The following COL24A1 variants were observed in gnomAD, a reference collection of about 807,000 sequenced individuals.
COL24A1 encodes collagen type XXIV alpha 1 chain, also known as collagen alpha-1(XXIV) chain.
A neutral mutation model predicts 253.9 loss-of-function variants in COL24A1; 224 were observed. That is an observed-to-expected ratio of 0.88 (90% CI 0.79 to 0.99). The LOEUF is 0.99. COL24A1 is among the 50% of genes least tolerant of loss of function. The pLI is 0.00. For missense variants in COL24A1, 2,131 were observed against 2,068.5 expected (o/e 1.03, Z -0.59); for synonymous variants, 685 against 673.7 (o/e 1.02, Z -0.26).
At chr1:86,138,541 A>AGG (rs901439957) in intron 2 of COL24A1, among the ~76,000 whole-genome samples, 1 of 152,052 alleles carries the variant, frequency 6.6e-6, no homozygotes. Flanking sequence ...TGGTTTTTTA[A>AGG]GGGGGAGTTT....
At chr1:85,772,761 G>C (rs1270138057) in intron 53 of COL24A1, among the ~76,000 whole-genome samples, 1 of 152,030 alleles carries the variant, frequency 6.6e-6, no homozygotes, top group Non-Finnish European at 1.5e-5. Flanking sequence ...TGTAGATTCT[G>C]GATATTAGCC....
chr1:86,120,173 T>C (rs1298885184), intron 3 of COL24A1, among the ~76,000 whole-genome samples: 1 of 152,188 alleles, frequency 6.6e-6, no homozygotes, highest in Non-Finnish European at 1.5e-5. Flanking sequence ...ATGTTAGACC[T>C]AAAACCATAA....
chr1:85,889,501 G>T (rs564671002), intron 32 of COL24A1, 59 bp downstream of exon 32: 111 of 1,421,218 alleles, frequency 7.8e-5, no homozygotes, highest in Middle Eastern at 1.8e-4. Context: ...AGCAATAATG[G>T]AAATGTAAAT....
intron 24 of COL24A1, among the ~76,000 whole-genome samples, chr1:85,952,539 A>G (rs1465824115): frequency 2.0e-5 from 3 of 152,232 alleles, no homozygotes; most frequent in Non-Finnish European, 4.4e-5. Context: ...ATAAAAGACA[A>G]ATTAGGCAGA....
chr1:86,132,209 GTTGT>G (rs914064555), intron 2 of COL24A1, among the ~76,000 whole-genome samples: 25 of 152,100 alleles, frequency 1.6e-4, no homozygotes, highest in African/African-American at 6.0e-4. Flanking sequence ...TTTTGATGGG[GTTGT>G]TTGTTTTTTT....
intron 5 of COL24A1, among the ~76,000 whole-genome samples, chr1:86,106,840 TTCTC>T (rs1341282877): frequency 6.6e-6 from 1 of 152,192 alleles, no homozygotes; most frequent in Non-Finnish European, 1.5e-5. Context: ...CCCATAGTCT[TTCTC>T]TATTTTAAAT....
In COL24A1 at chr1:85,761,384, A is replaced by T. The variant is rs1414543907; in HGVS notation, c.4437+12T>A. On this transcript the variant is annotated intron_variant, in intron 55 of 59. Transcript: ENST00000370571. ...AGATAAAACAAAACAAAATCAAACC[A>T]AGCAAACTTACTCTTGGGCCTGGTG... 2.5e-6 allele frequency: 4 copies of T among 1,613,870 alleles called. No individual in the cohort carries two copies. The highest frequency in any genetic ancestry group is 3.4e-6 in the Non-Finnish European group (4 of 1,179,874).
intron 24 of COL24A1, among the ~76,000 whole-genome samples, chr1:85,916,550 G>T (rs573501749): frequency 8.6e-5 from 13 of 152,042 alleles, no homozygotes; most frequent in Non-Finnish European, 1.6e-4. Context: ...GCTGGGTGTG[G>T]CAACATGTTC....
intron 14 of COL24A1, 61 bp downstream of exon 14, chr1:86,031,817 A>T (rs1250656793): frequency 9.6e-6 from 13 of 1,355,862 alleles, no homozygotes; most frequent in African/African-American, 1.5e-5. Context: ...AACACATCTA[A>T]CACATATAAA....
intron 12 of COL24A1, chr1:86,045,992 G>C (rs1481875477): frequency 1.0e-5 from 3 of 287,766 alleles, no homozygotes; most frequent in Non-Finnish European, 2.1e-5. Flanking sequence ...TTAACTATCT[G>C]ATCTGAGCAA....
At chr1:86,148,251 C>T (rs768996575) in intron 1 of COL24A1, among the ~76,000 whole-genome samples, 2 of 152,104 alleles carry the variant, frequency 1.3e-5, no homozygotes, top group African/African-American at 2.4e-5. Context: ...GTGGAGCGAT[C>T]TCAGCTCACT....
At chr1:86,036,650 T>C (rs565658045) in intron 12 of COL24A1, among the ~76,000 whole-genome samples, 1 of 152,304 alleles carries the variant, frequency 6.6e-6, no homozygotes, top group East Asian at 1.9e-4. Flanking sequence ...CTTTTAATCA[T>C]GAACTTAATG....
Position 85,896,418 on chromosome 1 carries a change from G to GA in COL24A1, c.2779-10dup. 6 of 1,605,972 alleles carry GA rather than the reference G, an allele frequency of 3.7e-6. No individual in the cohort carries two copies. Among genetic ancestry groups the GA allele is most frequent in the Non-Finnish European group, 5.1e-6 (6 of 1,173,730 alleles). ...TCTGGTCCTCTTGATCCCTAGAGGT[G>GA]AAAAAAATATCCTGTTGTTAATTTG... On this transcript the variant is annotated splice_polypyrimidine_tract_variant and intron_variant, in intron 28 of 59. Coordinates refer to ENST00000370571, the MANE Select transcript of COL24A1 (RefSeq NM_152890.7).
Position 86,092,257 on chromosome 1 carries a change from A to T in COL24A1, c.1653+10T>A, listed in dbSNP as rs772407730. ...ATTACCATAATTTCATTTCATGGTC[A>T]AATAATTACCTTTTCTCCAGGAACA... On this transcript the variant is annotated intron_variant, in intron 6 of 59. Coordinates refer to ENST00000370571, the MANE Select transcript of COL24A1 (RefSeq NM_152890.7). 1 of 1,581,574 alleles carries T rather than the reference A, an allele frequency of 6.3e-7. No individual in the cohort carries two copies. Among genetic ancestry groups the T allele is most frequent in the Non-Finnish European group, 8.6e-7 (1 of 1,156,942 alleles).
intron 18 of COL24A1, among the ~76,000 whole-genome samples, chr1:86,019,684 G>A (rs1697320250): frequency 6.6e-6 from 1 of 151,846 alleles, no homozygotes; most frequent in African/African-American, 2.4e-5. Flanking sequence ...GCCCAAAGTA[G>A]TTTTCAAAAG....
At chr1:86,026,366 T>C (rs536647754) in intron 14 of COL24A1, among the ~76,000 whole-genome samples, 3 of 152,316 alleles carry the variant, frequency 2.0e-5, no homozygotes, top group South Asian at 2.1e-4. Context: ...GTAGTCTCCA[T>C]AATCCCCACA....
At chr1:85,790,289 A>G (rs551960610) in intron 47 of COL24A1, among the ~76,000 whole-genome samples, 7 of 152,166 alleles carry the variant, frequency 4.6e-5, no homozygotes, top group African/African-American at 1.7e-4. Context: ...GGGAGGGTGT[A>G]TATGTCAATG....
chr1:86,105,875 G>A (rs1470555902), intron 5 of COL24A1, among the ~76,000 whole-genome samples: 1 of 152,156 alleles, frequency 6.6e-6, no homozygotes, highest in Non-Finnish European at 1.5e-5. Context: ...CCATGAATGA[G>A]TCCCGATGTG....
chr1:86,156,244 G>T, intron 1 of COL24A1, 97 bp downstream of exon 1: 1 of 1,210,874 alleles, frequency 8.3e-7, no homozygotes, highest in Non-Finnish European at 1.2e-6. Flanking sequence ...AAGTGCCAAG[G>T]AGCCGGACTT....
Sources: allele counts gnomAD v4.1 joint callset (sites outside exome capture counted in the v4.1 genomes callset), GRCh38; gene constraint gnomAD v4.1.1; transcripts MANE v1.5; gene names NCBI Gene and HGNC (gene_info 2026-07-23, HGNC 2026-07-21).